Variants in DLGAP2 observed in about 807,000 individuals in gnomAD.
DLGAP2 encodes the protein disks large-associated protein 2.
DLGAP2 carries 26 observed loss-of-function variants against 100.3 expected under a neutral mutation model. The ratio of observed to expected loss-of-function variants is 0.26; its 90% CI spans 0.19 to 0.36. The LOEUF (loss-of-function observed/expected upper bound fraction) is 0.36. DLGAP2 is among the 10% of genes least tolerant of loss of function. The pLI, the probability that DLGAP2 is intolerant of heterozygous loss-of-function variation, is 1.00. For synonymous variants in DLGAP2, 886 were observed against 630.1 expected (o/e 1.41, Z -6.08); for missense variants, 1,858 against 1,453.2 (o/e 1.28, Z -4.53).
intron 3 of DLGAP2, among the ~76,000 whole-genome samples, chr8:1,318,778 G>GCCCCCCCCCCCCCCCCCCCC (rs34614425): frequency 3.8e-5 from 4 of 105,574 alleles, no homozygotes; most frequent in African/African-American, 4.3e-5. Context: ...TCAGTGATCA[G>GCCCCCCCCCCCCCCCCCCCC]CCCCCCCCCC....
chr8:1,535,139 C>G (rs1381245713), intron 4 of DLGAP2, among the ~76,000 whole-genome samples: 2 of 152,234 alleles, frequency 1.3e-5, no homozygotes, highest in East Asian at 3.9e-4. Flanking sequence ...TCAGCAAGTG[C>G]TGGCCGCTCC....
chr8:1,442,904 A>T (rs565701659), intron 3 of DLGAP2, among the ~76,000 whole-genome samples: 2 of 152,266 alleles, frequency 1.3e-5, no homozygotes, highest in Non-Finnish European at 2.9e-5. Context: ...AGCTATTTGT[A>T]TGACATAAAT....
rs188379170 is a variant in DLGAP2, at chr8:1,322,102, A to T, written c.106+63219A>T. On this transcript the variant is annotated intron_variant, in intron 3 of 14. Transcript: ENST00000637795. ...CTAGATAACAGTGAACTAATGATTT[A>T]AAAAAAAGTCCCAACTTGATATTAA... Among the ~76,000 whole-genome samples the T allele has an allele frequency of 2.0e-3, 304 of 151,662 alleles. 1 individual carries two copies. The highest frequency in any genetic ancestry group is 3.3e-3 in the South Asian group (16 of 4,816).
At chr8:879,291 C>G (rs1481047632) in intron 1 of DLGAP2, among the ~76,000 whole-genome samples, 1 of 152,180 alleles carries the variant, frequency 6.6e-6, no homozygotes, top group East Asian at 1.9e-4. Flanking sequence ...TTGTGAAGAC[C>G]ATTCCCCGGA....
chr8:1,454,397 C>G (rs1358921206), intron 3 of DLGAP2, among the ~76,000 whole-genome samples: 2 of 151,926 alleles, frequency 1.3e-5, no homozygotes, highest in Non-Finnish European at 1.5e-5. Flanking sequence ...ACTACCGTCC[C>G]TGCGTGAGTT....
chr8:1,364,688 G>C (rs1563107301), intron 3 of DLGAP2, among the ~76,000 whole-genome samples: 1 of 152,236 alleles, frequency 6.6e-6, no homozygotes, highest in Non-Finnish European at 1.5e-5. Flanking sequence ...GACTGGCAAG[G>C]AGGACTCCAA....
chr8:1,175,907 C>T (rs1467740963), intron 2 of DLGAP2, among the ~76,000 whole-genome samples: 4 of 152,198 alleles, frequency 2.6e-5, no homozygotes, highest in African/African-American at 7.2e-5. Context: ...GGGGAGGTCG[C>T]ATCCTCCCTC....
intron 2 of DLGAP2, among the ~76,000 whole-genome samples, chr8:931,508 G>A (rs1229311249): frequency 1.3e-5 from 2 of 152,180 alleles, no homozygotes; most frequent in African/African-American, 2.4e-5. Flanking sequence ...AGAATCCCAG[G>A]TATCTCGGCC....
At chr8:1,449,760 C>T (rs1798086970) in intron 3 of DLGAP2, among the ~76,000 whole-genome samples, 1 of 151,782 alleles carries the variant, frequency 6.6e-6, no homozygotes, top group South Asian at 2.1e-4. Flanking sequence ...ATGGGAGAGG[C>T]ACCAAGGGCC....
At position 1,548,861 on chromosome 8, in the gene DLGAP2, G is replaced by A. The variant is rs759281883; in HGVS notation, c.408G>A (p.Ser136=). The change falls in exon 5 of 15, where the codon TCG becomes TCA. Residue 136 remains serine (S), a synonymous_variant. Coordinates refer to ENST00000637795, the MANE Select transcript of DLGAP2 (RefSeq NM_001346810.2). ...GCCCCGGGGGGCGCCACCGCTGCTC[G>A]CCGCGCAGCTCGGTGCACTCGGAGT... ...DSCPGGRHRC[S]PRSSVHSECV... 6.9e-6 allele frequency: 11 copies of A among 1,586,078 alleles called. No homozygotes were observed. The highest frequency in any genetic ancestry group is 6.8e-5 in the East Asian group (3 of 44,254).
At chr8:988,720 C>T (rs571221480) in intron 2 of DLGAP2, among the ~76,000 whole-genome samples, 2 of 152,098 alleles carry the variant, frequency 1.3e-5, no homozygotes, top group African/African-American at 4.8e-5. Context: ...TGTCCACCTG[C>T]CCTCTGGTTC....
chr8:1,058,759 A>C (rs987683410), intron 2 of DLGAP2, among the ~76,000 whole-genome samples: 3 of 152,236 alleles, frequency 2.0e-5, no homozygotes, highest in Non-Finnish European at 4.4e-5. Flanking sequence ...ACAAAGATCA[A>C]GTGATCTTAA....
chr8:1,117,617 C>T (rs1164721194), intron 2 of DLGAP2, among the ~76,000 whole-genome samples: 1 of 152,134 alleles, frequency 6.6e-6, no homozygotes, highest in Non-Finnish European at 1.5e-5. Context: ...GTGGGATGGA[C>T]GCTGAGTAGA....
chr8:1,609,391 C>T (rs1272089908), intron 6 of DLGAP2, among the ~76,000 whole-genome samples: 1 of 135,748 alleles, frequency 7.4e-6, no homozygotes, highest in Non-Finnish European at 1.6e-5. Flanking sequence ...CTGAAGGAAG[C>T]GCTAAACATG....
intron 1 of DLGAP2, among the ~76,000 whole-genome samples, chr8:832,355 T>G (rs1012844428): frequency 5.3e-5 from 8 of 152,258 alleles, no homozygotes; most frequent in Non-Finnish European, 1.5e-5. Flanking sequence ...AGGTCTAACA[T>G]TTAAATCTTT....
intron 2 of DLGAP2, among the ~76,000 whole-genome samples, chr8:1,185,024 G>C (rs1275337884): frequency 6.6e-6 from 1 of 152,066 alleles, no homozygotes; most frequent in Non-Finnish European, 1.5e-5. Flanking sequence ...TCTGACCCGG[G>C]GGACGGGGGA....
chr8:1,480,211 G>A (rs1423971896), intron 3 of DLGAP2, among the ~76,000 whole-genome samples: 2 of 152,144 alleles, frequency 1.3e-5, no homozygotes, highest in Non-Finnish European at 2.9e-5. Flanking sequence ...CACAGGAAAC[G>A]TGGGGCTAGA....
intron 2 of DLGAP2, among the ~76,000 whole-genome samples, chr8:1,200,783 G>C (rs1443531717): frequency 6.6e-6 from 1 of 151,778 alleles, no homozygotes; most frequent in Non-Finnish European, 1.5e-5. Context: ...TTGCTGGACG[G>C]AAGCTTCCAG....
At chr8:1,390,157 C>T (rs1027169362) in intron 3 of DLGAP2, among the ~76,000 whole-genome samples, 1 of 151,660 alleles carries the variant, frequency 6.6e-6, no homozygotes, top group Admixed American at 6.6e-5. Context: ...TAAATCGAGG[C>T]ACTCTCTGAG....
Sources: allele counts gnomAD v4.1 joint callset (sites outside exome capture counted in the v4.1 genomes callset), GRCh38; gene constraint gnomAD v4.1.1; transcripts MANE v1.5; gene names NCBI Gene and HGNC (gene_info 2026-07-23, HGNC 2026-07-21).